VIT: variants seen among roughly 807,000 people sequenced by gnomAD.
VIT encodes the protein vitrin.
Under a neutral mutation model 78.0 loss-of-function variants are expected in VIT, and 99 were observed. The observed-to-expected ratio is 1.27, with a 90% CI of 1.08 to 1.50. The LOEUF (loss-of-function observed/expected upper bound fraction) is 1.50, where lower values mean the gene tolerates loss of function less well. VIT is among the 40% of genes most tolerant of loss of function. VIT has a pLI of 0.00. For missense variants in VIT, 1,126 were observed against 875.3 expected (o/e 1.29, Z -3.61); for synonymous variants, 374 against 334.3 (o/e 1.12, Z -1.29).
chr2:36,759,323 G>GTAT (rs1484357112), intron 6 of VIT: 1 of 1,434,216 alleles, frequency 7.0e-7, no homozygotes, highest in African/African-American at 1.4e-5. Context: ...GAGTTTTAAT[G>GTAT]TATTGTTGCT....
chr2:36,761,611 G>A (rs1255159844), intron 6 of VIT, among the ~76,000 whole-genome samples: 3 of 152,060 alleles, frequency 2.0e-5, no homozygotes, highest in Non-Finnish European at 4.4e-5. Context: ...GTGGTGACAC[G>A]TGCCTGTAGT....
In VIT at chr2:36,808,798, C is replaced by T; in HGVS notation, c.1716C>T (p.Asp572=). ...TCGACAAGTACAGCAGCAAGCCTGACATCCTCAACGCCATCAAGAGGGTGG... is the reference window on the plus strand; with the variant it reads ...TCGACAAGTACAGCAGCAAGCCTGATATCCTCAACGCCATCAAGAGGGTGG... The part of the protein sequence containing the change: ...FGFDKYSSKP[D]ILNAIKRVGY... The change falls in exon 15 of 16, where the codon GAC becomes GAT. Residue 572 remains aspartate (D), a synonymous_variant. Coordinates refer to ENST00000379242, the MANE Select transcript of VIT (RefSeq NM_053276.4). 1 of 1,614,136 alleles carries T rather than the reference C, an allele frequency of 6.2e-7. No individual in the cohort carries two copies. The highest frequency in any genetic ancestry group is 8.5e-7 in the Non-Finnish European group (1 of 1,179,962).
chr2:36,778,295 C>T (rs1038259926), intron 9 of VIT, among the ~76,000 whole-genome samples: 2 of 152,210 alleles, frequency 1.3e-5, no homozygotes, highest in African/African-American at 2.4e-5. Context: ...CTACACACTG[C>T]GTCCCCCACT....
chr2:36,708,118 C>T (rs938341861), intron 1 of VIT, among the ~76,000 whole-genome samples: 2 of 149,398 alleles, frequency 1.3e-5, no homozygotes, highest in African/African-American at 2.4e-5. Context: ...CCTCCCCCCC[C>T]CGCCCACCTA....
intron 12 of VIT, among the ~76,000 whole-genome samples, chr2:36,791,509 G>A (rs1347962300): frequency 6.6e-6 from 1 of 152,248 alleles, no homozygotes; most frequent in African/African-American, 2.4e-5. Context: ...ACAACTCTGA[G>A]ATGGGGGGGT....
chr2:36,811,739 C>T (rs542053372), intron 15 of VIT, among the ~76,000 whole-genome samples: 1 of 151,604 alleles, frequency 6.6e-6, no homozygotes, highest in African/African-American at 2.4e-5. Flanking sequence ...ATGGCACAAC[C>T]TTGGCTCATT....
In VIT at chr2:36,801,343, T is replaced by C. The variant is rs2072527; in HGVS notation, c.1101T>C (p.Asn367=). The C allele has an allele frequency of 0.023, 37,599 of 1,614,000 alleles. 2,601 individuals are homozygous for C. The highest frequency in any genetic ancestry group is 0.17 in the East Asian group (7,585 of 44,872). Reference sequence around the variant, plus strand: ...ACTTTAACCTCAAGACACACACGAATTCTCGAGATCTGAAGACAGCCATAG... The same window carrying C: ...ACTTTAACCTCAAGACACACACGAACTCTCGAGATCTGAAGACAGCCATAG... ...ATHFNLKTHT[N]SRDLKTAIEK... Residue 367 remains asparagine, a synonymous_variant, in exon 13 of 16, where the codon AAT becomes AAC. Coordinates refer to ENST00000379242, the MANE Select transcript of VIT (RefSeq NM_053276.4).
intron 4 of VIT, among the ~76,000 whole-genome samples, chr2:36,752,647 T>C (rs1306086052): frequency 6.6e-6 from 1 of 152,234 alleles, no homozygotes; most frequent in Non-Finnish European, 1.5e-5. Flanking sequence ...CCACAGCTTT[T>C]TTCAGACTCT....
At chr2:36,783,007 T>C (rs2276670) in intron 10 of VIT, among the ~76,000 whole-genome samples, 22,182 of 152,160 alleles carry the variant, frequency 0.15, 4,492 homozygotes, top group African/African-American at 0.46. Context: ...CTCAAGATTT[T>C]CAGAATTTTA....
chr2:36,774,078 G>A (rs1351116455), intron 8 of VIT, among the ~76,000 whole-genome samples: 3 of 152,186 alleles, frequency 2.0e-5, no homozygotes, highest in Admixed American at 6.5e-5. Flanking sequence ...GTCTGTAGAG[G>A]TTGTGATAGG....
rs528166607 is a variant in VIT, at chr2:36,774,929, C to T, written c.737-73C>T. 184 of 1,591,684 alleles carry T rather than the reference C, an allele frequency of 1.2e-4. 3 individuals carry two copies. The South Asian group carries it at 1.7e-3, about 15-fold the overall frequency. ...AAATCTGAACTAAGGTAATTTTCAC[C>T]GGGGGCAAAATAAGGAAAGAAAGCA... is the stretch of plus-strand genomic sequence containing the variant. On this transcript the variant is annotated intron_variant, in intron 8 of 15. Coordinates refer to ENST00000379242, the MANE Select transcript of VIT (RefSeq NM_053276.4).
intron 9 of VIT, among the ~76,000 whole-genome samples, chr2:36,781,217 C>A (rs1009753401): frequency 1.3e-5 from 2 of 152,138 alleles, no homozygotes; most frequent in South Asian, 4.1e-4. Context: ...ACAAATGTAC[C>A]TAGAACGATA....
At chr2:36,798,175 A>T (rs949653879) in intron 12 of VIT, among the ~76,000 whole-genome samples, 6 of 152,182 alleles carry the variant, frequency 3.9e-5, no homozygotes, top group Admixed American at 6.5e-5. Context: ...AAGTTTAGCA[A>T]TGGGAATTTC....
chr2:36,786,072 G>A (rs1410064558), intron 11 of VIT, among the ~76,000 whole-genome samples: 1 of 152,204 alleles, frequency 6.6e-6, no homozygotes, highest in Non-Finnish European at 1.5e-5. Flanking sequence ...TTAGAGAGGT[G>A]CAGGTCCGTC....
intron 13 of VIT, 130 bp from the exon 14 acceptor site, chr2:36,805,308 G>GGAA: frequency 3.4e-6 from 2 of 585,212 alleles, no homozygotes; most frequent in East Asian, 9.5e-5. Flanking sequence ...TGTCTCAAAG[G>GGAA]AAAAAAAAAA....
Position 36,767,291 on chromosome 2 carries a change from T to G in VIT, c.679+6T>G, listed in dbSNP as rs1259893178. On this transcript the variant is annotated splice_donor_region_variant and intron_variant, in intron 7 of 15. Transcript: ENST00000379242. ...CCACAGGAGCCAGGAGATGGGTCAG[T>G]AGGTAGACCATGTGTTGCTTTGTGC... The G allele has an allele frequency of 4.5e-6, 7 of 1,543,678 alleles. No homozygotes were observed. The highest frequency in any genetic ancestry group is 6.1e-6 in the Non-Finnish European group (7 of 1,145,640).
chr2:36,784,546 A>T (rs1664967132), intron 11 of VIT, among the ~76,000 whole-genome samples: 1 of 152,230 alleles, frequency 6.6e-6, no homozygotes, highest in Non-Finnish European at 1.5e-5. Flanking sequence ...AGCAACCCTG[A>T]TATGTACATG....
At chr2:36,774,512 A>C in intron 8 of VIT, 1 of 985,404 alleles carries the variant, frequency 1.0e-6, no homozygotes, top group Non-Finnish European at 1.2e-6. Flanking sequence ...GCCACAGGAC[A>C]CTAGGATCAG....
Position 36,805,651 on chromosome 2 carries a change from A to C in VIT, c.1376A>C (p.Asn459Thr). The C allele has an allele frequency of 6.2e-7, 1 of 1,613,616 alleles. No individual in the cohort carries two copies. The highest frequency in any genetic ancestry group is 1.3e-5 in the African/African-American group (1 of 75,044). Reference sequence around the variant, plus strand: ...GAGAAGCAGTATGTGGTGGAGCCCAACTTTGCAAACAAGGTAGATGACTGC... The same window carrying C: ...GAGAAGCAGTATGTGGTGGAGCCCACCTTTGCAAACAAGGTAGATGACTGC... Reference protein sequence around the residue: ...ENEKQYVVEPNFANKAVCRTN... With the variant: ...ENEKQYVVEPTFANKAVCRTN... Residue 459 changes from asparagine to threonine, a missense_variant, in exon 14 of 16, where the codon AAC (asparagine) becomes ACC (threonine). By Grantham distance (65) the Asn-to-Thr change is moderately conservative. Coordinates refer to ENST00000379242, the MANE Select transcript of VIT (RefSeq NM_053276.4).
Sources: gnomAD v4.1 joint callset for allele counts (sites outside exome capture counted in the v4.1 genomes callset) on GRCh38, gnomAD v4.1.1 for gene constraint, MANE v1.5 for transcripts, NCBI Gene and HGNC (gene_info 2026-07-23, HGNC 2026-07-21) for gene names.